The following GABRA5 variants were observed in gnomAD, a reference collection of about 807,000 sequenced individuals.
The protein encoded by GABRA5 is gamma-aminobutyric acid receptor subunit alpha-5.
Under a neutral mutation model 47.3 loss-of-function variants are expected in GABRA5, and 18 were observed. That is an observed-to-expected ratio of 0.38 (90% confidence interval 0.26 to 0.56). GABRA5 has a LOEUF of 0.56. Among genes scored for constraint, GABRA5 ranks in the 20% least tolerant of loss-of-function variants. GABRA5 has a pLI of 0.71. For synonymous variants in GABRA5, 237 were observed against 229.3 expected (o/e 1.03, Z -0.30); for missense variants, 365 against 599.3 (o/e 0.61, Z 4.08).
intron 3 of GABRA5, among the ~76,000 whole-genome samples, chr15:26,875,004 C>T (rs969558839): frequency 1.3e-5 from 2 of 152,226 alleles, no homozygotes; most frequent in African/African-American, 4.8e-5. Flanking sequence ...AGTTACTTCA[C>T]CTGCCTGCAA....
At chr15:26,910,909 C>A (rs914141126) in intron 6 of GABRA5, among the ~76,000 whole-genome samples, 4 of 152,162 alleles carry the variant, frequency 2.6e-5, no homozygotes, top group Non-Finnish European at 5.9e-5. Context: ...GATCTCAGCT[C>A]TGTGTGGAGG....
chr15:26,941,046 G>A (rs1479747714), intron 9 of GABRA5, among the ~76,000 whole-genome samples: 2 of 152,242 alleles, frequency 1.3e-5, no homozygotes, highest in African/African-American at 4.8e-5. Flanking sequence ...CCCCCAGGGT[G>A]TAGGCTGATC....
intron 6 of GABRA5, among the ~76,000 whole-genome samples, chr15:26,893,961 A>G (rs867898666): frequency 1.3e-5 from 2 of 151,838 alleles, no homozygotes; most frequent in African/African-American, 4.8e-5. Flanking sequence ...GATTCCAAGG[A>G]CCCTTGCTTG....
At chr15:26,898,154 GAGA>G (rs1893243867) in intron 6 of GABRA5, among the ~76,000 whole-genome samples, 1 of 152,194 alleles carries the variant, frequency 6.6e-6, no homozygotes, top group African/African-American at 2.4e-5. Flanking sequence ...CTTAGAAATT[GAGA>G]AGAATGCTAC....
intron 4 of GABRA5, among the ~76,000 whole-genome samples, chr15:26,882,094 C>T (rs1451189847): frequency 2.6e-5 from 4 of 152,208 alleles, no homozygotes; most frequent in Non-Finnish European, 4.4e-5. Flanking sequence ...TCTTACTCTG[C>T]CCTCTGAATT....
At chr15:26,938,442 C>T (rs1864793) in intron 8 of GABRA5, among the ~76,000 whole-genome samples, 64,998 of 151,998 alleles carry the variant, frequency 0.43, 14,206 homozygotes, top group African/African-American at 0.46. Flanking sequence ...ATTTCTACTC[C>T]TATTTGCATT....
At chr15:26,872,419 T>C (rs1017739632) in intron 3 of GABRA5, among the ~76,000 whole-genome samples, 4 of 152,178 alleles carry the variant, frequency 2.6e-5, no homozygotes, top group Admixed American at 1.3e-4. Flanking sequence ...CTGTCACTTC[T>C]TGGGCTCCCT....
chr15:26,905,388 A>G (rs1170819468), intron 6 of GABRA5, among the ~76,000 whole-genome samples: 1 of 151,878 alleles, frequency 6.6e-6, no homozygotes, highest in Non-Finnish European at 1.5e-5. Flanking sequence ...CCTTGTGCAT[A>G]AGTTTCTTCT....
chr15:26,914,562 A>G (rs538476456), intron 6 of GABRA5, among the ~76,000 whole-genome samples: 1 of 152,368 alleles, frequency 6.6e-6, no homozygotes, highest in Non-Finnish European at 1.5e-5. Flanking sequence ...AAGCAGTAAT[A>G]TATGTATAGG....
intron 6 of GABRA5, among the ~76,000 whole-genome samples, chr15:26,908,124 A>G (rs1382204881): frequency 1.3e-5 from 2 of 152,190 alleles, no homozygotes; most frequent in Non-Finnish European, 2.9e-5. Flanking sequence ...ATACACTTGT[A>G]TGCATGCATA....
chr15:26,914,129 G>A (rs373455745), intron 6 of GABRA5, among the ~76,000 whole-genome samples: 52 of 152,158 alleles, frequency 3.4e-4, no homozygotes, highest in African/African-American at 1.2e-3. Flanking sequence ...GGTAGTGCTC[G>A]GTGATATTAT....
intron 7 of GABRA5, among the ~76,000 whole-genome samples, chr15:26,916,342 A>G (rs550170650): frequency 1.3e-5 from 2 of 151,926 alleles, no homozygotes; most frequent in Admixed American, 6.5e-5. Context: ...TCTTTTCCTC[A>G]TTTTTGTATT....
rs1319846638 is a variant in GABRA5 at position 26,932,274 on chromosome 15, GA to G, written c.581-4904del. Among the ~76,000 whole-genome samples, 6 of 151,754 alleles carry G rather than the reference GA, an allele frequency of 4.0e-5. No individual in the cohort carries two copies. In the South Asian group the frequency reaches 1.3e-3, roughly 32 times the overall value. ...CAAGGAACTTAAACAAATTTGCAAG[GA>G]AAAAAACAACCCCATTAAAAAGTGG... is the stretch of plus-strand genomic sequence containing the variant. On this transcript the variant is annotated intron_variant, in intron 7 of 10. Transcript: ENST00000335625.
chr15:26,883,561 A>G lies in GABRA5; in HGVS notation c.497+4A>G. The G allele has an allele frequency of 6.1e-6, 7 of 1,139,208 alleles. No individual in the cohort carries two copies. The highest frequency in any genetic ancestry group is 9.0e-6 in the Non-Finnish European group (7 of 775,374). The allele number at this position is 1,139,208 out of a possible 1,614,324, so 70.6% of individuals were successfully genotyped here. On this transcript the variant is annotated splice_donor_region_variant and intron_variant, in intron 6 of 10. Transcript: ENST00000335625. The surrounding 1 kb of genome is among the most constrained non-coding windows in gnomAD (Gnocchi z 4.8). The stretch of plus-strand genomic sequence containing the variant: ...GCACCCTGCTCTACACCATGCGGTG[A>G]GCGCCGGGCGGGGGCGGGCGGGGCC...
chr15:26,914,390 G>A (rs1206966188), intron 6 of GABRA5, among the ~76,000 whole-genome samples: 1 of 151,982 alleles, frequency 6.6e-6, no homozygotes, highest in African/African-American at 2.4e-5. Context: ...CATATTCTAC[G>A]AATATATGTG....
chr15:26,935,847 C>T (rs1438462152), intron 7 of GABRA5, among the ~76,000 whole-genome samples: 1 of 152,204 alleles, frequency 6.6e-6, no homozygotes, highest in African/African-American at 2.4e-5. Context: ...GTTAGCTCCT[C>T]ATCGGCTGAT....
chr15:26,868,167 C>CT (rs1473361797), intron 1 of GABRA5: 3 of 151,928 alleles, frequency 2.0e-5, no homozygotes, highest in Non-Finnish European at 4.4e-5. Context: ...TGGCTCGGGG[C>CT]TGAGGGGCGG....
rs745626991 is a variant in GABRA5 at position 26,883,240 on chromosome 15, C to T, written c.276+7C>T. On this transcript the variant is annotated splice_region_variant and intron_variant, in intron 5 of 10. Coordinates refer to ENST00000335625, the MANE Select transcript of GABRA5 (RefSeq NM_000810.4). This position sits in a 1 kb window ranked among gnomAD's most constrained non-coding sequence, Gnocchi z 4.8. The stretch of plus-strand genomic sequence containing the variant: ...GGTGTCCGACACGGAAATGGTAGGT[C>T]CCGGGGCATGGCTGGGCAGACAATT... 2.5e-6 allele frequency: 4 copies of T among 1,613,758 alleles called. No individual in the cohort carries two copies. The South Asian group carries it at 3.3e-5, about 13-fold the overall frequency.
At position 26,939,921 on chromosome 15, in the gene GABRA5, G is replaced by T. The variant is rs375293570; in HGVS notation, c.725-4G>T. 8.7e-6 allele frequency: 14 copies of T among 1,613,754 alleles called. No individual in the cohort carries two copies. In the African/African-American group the frequency reaches 1.7e-4, roughly 20 times the overall value. On this transcript the variant is annotated splice_region_variant and splice_polypyrimidine_tract_variant and intron_variant, in intron 8 of 10. Coordinates refer to ENST00000335625, the MANE Select transcript of GABRA5 (RefSeq NM_000810.4). Reference sequence around the variant, plus strand: ...CTGATGTGCAGTCATTTGCTTATTTGCAGGCGAATACACAATCATGACAGC... The same window carrying T: ...CTGATGTGCAGTCATTTGCTTATTTTCAGGCGAATACACAATCATGACAGC...
Sources: allele counts gnomAD v4.1 joint callset (sites outside exome capture counted in the v4.1 genomes callset), GRCh38; gene constraint gnomAD v4.1.1; non-coding constraint Gnocchi (gnomAD v3.1); transcripts MANE v1.5; gene names NCBI Gene and HGNC (gene_info 2026-07-23, HGNC 2026-07-21).